The following CNTNAP2 variants were observed in gnomAD, a reference collection of about 807,000 sequenced individuals.
The protein encoded by CNTNAP2 is contactin associated protein 2, also known as contactin-associated protein-like 2.
In CNTNAP2, 98 loss-of-function variants were observed where a neutral mutation model predicts 155.2. The ratio of observed to expected loss-of-function variants is 0.63; its 90% confidence interval spans 0.54 to 0.75. The LOEUF is 0.75. Among genes scored for constraint, CNTNAP2 ranks in the 30% least tolerant of loss-of-function variants. CNTNAP2 has a pLI of 0.00. For synonymous variants in CNTNAP2, 651 were observed against 631.2 expected, an observed-to-expected ratio of 1.03 and a Z score of -0.47; for missense variants, 1,727 against 1,688.1, an observed-to-expected ratio of 1.02 and a Z score of -0.40.
At chr7:146,270,718 TA>T (rs1002610772) in intron 1 of CNTNAP2, among the ~76,000 whole-genome samples, 1 of 152,156 alleles carries the variant, frequency 6.6e-6, no homozygotes, top group East Asian at 1.9e-4. Context: ...AATGGTCTCT[TA>T]AAAAAGCACA....
intron 1 of CNTNAP2, among the ~76,000 whole-genome samples, chr7:146,340,572 T>C (rs1441642519): frequency 6.6e-6 from 1 of 152,166 alleles, no homozygotes; most frequent in African/African-American, 2.4e-5. Context: ...GTTATTTATC[T>C]CAAATTCAAA....
At chr7:147,742,491 T>A (rs1040131815) in intron 13 of CNTNAP2, among the ~76,000 whole-genome samples, 4 of 152,234 alleles carry the variant, frequency 2.6e-5, no homozygotes, top group Non-Finnish European at 5.9e-5. Flanking sequence ...TGTGCACAAG[T>A]GTCAGAGCAT....
intron 1 of CNTNAP2, among the ~76,000 whole-genome samples, chr7:146,619,863 A>G (rs1203706135): frequency 6.6e-6 from 1 of 152,208 alleles, no homozygotes; most frequent in East Asian, 1.9e-4. Context: ...AATACTATGT[A>G]GATGTATTTT....
intron 11 of CNTNAP2, among the ~76,000 whole-genome samples, chr7:147,546,634 G>A (rs1199360779): frequency 6.6e-6 from 1 of 152,204 alleles, no homozygotes; most frequent in African/African-American, 2.4e-5. Flanking sequence ...TACTCAATAT[G>A]ATTTGTGTGA....
intron 1 of CNTNAP2, among the ~76,000 whole-genome samples, chr7:146,674,620 G>C (rs1263848997): frequency 1.3e-5 from 2 of 152,032 alleles, no homozygotes; most frequent in Non-Finnish European, 2.9e-5. Flanking sequence ...ATGTGTAGGG[G>C]CTGGGGAGGA....
At chr7:146,794,003 G>A (rs745896550) in intron 2 of CNTNAP2, among the ~76,000 whole-genome samples, 14 of 152,234 alleles carry the variant, frequency 9.2e-5, no homozygotes, top group South Asian at 2.1e-4. Flanking sequence ...CTCTCTCACC[G>A]GGTTCTAGAG....
chr7:146,554,228 A>G (rs1281305493), intron 1 of CNTNAP2, among the ~76,000 whole-genome samples: 2 of 152,138 alleles, frequency 1.3e-5, no homozygotes, highest in African/African-American at 2.4e-5. Context: ...TTTAACTTGA[A>G]CTAGTGAGAT....
chr7:146,571,603 G>A (rs1798440580), intron 1 of CNTNAP2, among the ~76,000 whole-genome samples: 1 of 151,996 alleles, frequency 6.6e-6, no homozygotes, highest in Admixed American at 6.5e-5. Flanking sequence ...ATTTTCATAT[G>A]TCAACCTATT....
intron 13 of CNTNAP2, among the ~76,000 whole-genome samples, chr7:147,809,164 T>C (rs1007857757): frequency 2.0e-5 from 3 of 152,178 alleles, no homozygotes; most frequent in African/African-American, 7.2e-5. Context: ...TGAGGTACAA[T>C]GTGGCTGGAA....
chr7:146,278,235 C>G (rs966041997), intron 1 of CNTNAP2, among the ~76,000 whole-genome samples: 1 of 152,172 alleles, frequency 6.6e-6, no homozygotes, highest in East Asian at 1.9e-4. Flanking sequence ...TTTGCCCCTT[C>G]TGCAGATAGC....
chr7:147,091,599 G>A (rs935736187), intron 4 of CNTNAP2, among the ~76,000 whole-genome samples: 8 of 145,784 alleles, frequency 5.5e-5, no homozygotes, highest in South Asian at 2.2e-4. Flanking sequence ...CTACAGGTGC[G>A]CACCACCACA....
At chr7:148,349,407 C>CT (rs1269143446) in intron 21 of CNTNAP2, among the ~76,000 whole-genome samples, 3 of 143,226 alleles carry the variant, frequency 2.1e-5, no homozygotes, top group African/African-American at 7.9e-5. Context: ...AAAAATCTCT[C>CT]TTTTTTTTTT....
intron 16 of CNTNAP2, among the ~76,000 whole-genome samples, chr7:148,140,886 C>A (rs1194384021): frequency 6.6e-6 from 1 of 152,246 alleles, no homozygotes; most frequent in Non-Finnish European, 1.5e-5. Context: ...AAGGGCCAGA[C>A]CTCTTGAGGG....
intron 1 of CNTNAP2, among the ~76,000 whole-genome samples, chr7:146,566,801 C>T (rs1047863488): frequency 2.0e-5 from 3 of 152,050 alleles, no homozygotes; most frequent in African/African-American, 7.2e-5. Flanking sequence ...ACCCTTCCTC[C>T]TGCAAATTTA....
chr7:146,449,077 C>T lies in CNTNAP2; in HGVS notation c.98-325194C>T, dbSNP rs577925208. Among the ~76,000 whole-genome samples the T allele has an allele frequency of 4.6e-5, 7 of 152,200 alleles. No homozygotes were observed. In the East Asian group the frequency reaches 1.4e-3, roughly 29 times the overall value. Reference sequence around the variant, plus strand: ...TGATACCATTCTTTCTTCTAATTTACTGATTCTTTCCTCTGCCCTATACAT... The same window carrying T: ...TGATACCATTCTTTCTTCTAATTTATTGATTCTTTCCTCTGCCCTATACAT... On this transcript the variant is annotated intron_variant, in intron 1 of 23. Transcript: ENST00000361727.
chr7:146,365,139 A>G (rs983454820), intron 1 of CNTNAP2, among the ~76,000 whole-genome samples: 1 of 152,040 alleles, frequency 6.6e-6, no homozygotes, highest in Non-Finnish European at 1.5e-5. Context: ...CTTTTATCCA[A>G]CTGCCTCCAA....
chr7:148,071,164 A>G (rs1389918107), intron 15 of CNTNAP2, among the ~76,000 whole-genome samples: 5 of 152,152 alleles, frequency 3.3e-5, no homozygotes, highest in Non-Finnish European at 7.3e-5. Flanking sequence ...AAGTACAAAT[A>G]TCTTCCTGTC....
At chr7:146,442,683 C>A (rs189847685) in intron 1 of CNTNAP2, among the ~76,000 whole-genome samples, 1 of 152,244 alleles carries the variant, frequency 6.6e-6, no homozygotes, top group African/African-American at 2.4e-5. Flanking sequence ...TGAGTCCCCT[C>A]CTGCTCACTT....
At chr7:147,225,342 GATTA>G (rs553306021) in intron 8 of CNTNAP2, among the ~76,000 whole-genome samples, 1 of 152,078 alleles carries the variant, frequency 6.6e-6, no homozygotes, top group Non-Finnish European at 1.5e-5. Flanking sequence ...TTTATAACCT[GATTA>G]ATTATTTTCC....
Sources: allele counts gnomAD v4.1 joint callset (sites outside exome capture counted in the v4.1 genomes callset), GRCh38; gene constraint gnomAD v4.1.1; transcripts MANE v1.5; gene names NCBI Gene and HGNC (gene_info 2026-07-23, HGNC 2026-07-21).